The following KIF16B variants were observed in gnomAD, a reference collection of about 807,000 sequenced individuals.
KIF16B encodes kinesin-like protein KIF16B.
A neutral mutation model predicts 156.3 loss-of-function variants in KIF16B; 98 were observed. The ratio of observed to expected loss-of-function variants is 0.63; its 90% CI spans 0.53 to 0.74. KIF16B has a LOEUF of 0.74. Among genes scored for constraint, KIF16B ranks in the 30% least tolerant of loss-of-function variants. The pLI is 0.00. For missense variants in KIF16B, 1,421 were observed against 1,606.5 expected (o/e 0.88, Z 1.97); for synonymous variants, 564 against 583.7 (o/e 0.97, Z 0.49).
At chr20:16,330,705 C>T (rs2063933165) in intron 24 of KIF16B, among the ~76,000 whole-genome samples, 1 of 152,198 alleles carries the variant, frequency 6.6e-6, no homozygotes, top group Non-Finnish European at 1.5e-5. Flanking sequence ...CCCTGACTCC[C>T]TGCCTCAATA....
intron 12 of KIF16B, among the ~76,000 whole-genome samples, chr20:16,441,184 C>T (rs530269960): frequency 2.2e-4 from 33 of 152,298 alleles, no homozygotes; most frequent in African/African-American, 7.7e-4. Flanking sequence ...GAAAGGATTA[C>T]TTTAAGTGGG....
At chr20:16,323,197 TCTAA>T (rs1163526026) in intron 24 of KIF16B, among the ~76,000 whole-genome samples, 1 of 152,114 alleles carries the variant, frequency 6.6e-6, no homozygotes, top group Non-Finnish European at 1.5e-5. Flanking sequence ...TATTTGGCTA[TCTAA>T]CTTTTACCCA....
intron 15 of KIF16B, among the ~76,000 whole-genome samples, chr20:16,418,485 C>G (rs1482488863): frequency 6.6e-6 from 1 of 152,144 alleles, no homozygotes; most frequent in Non-Finnish European, 1.5e-5. Flanking sequence ...GAAACCAGCC[C>G]ATTGGAAAGA....
intron 5 of KIF16B, among the ~76,000 whole-genome samples, chr20:16,512,178 G>A (rs1003231273): frequency 1.4e-4 from 22 of 152,024 alleles, no homozygotes; most frequent in Non-Finnish European, 2.4e-4. Flanking sequence ...ATTAAGTGAG[G>A]ACTTCCTGTA....
At chr20:16,292,423 GA>G (rs1221940355) in intron 25 of KIF16B, among the ~76,000 whole-genome samples, 1 of 152,098 alleles carries the variant, frequency 6.6e-6, no homozygotes, top group Non-Finnish European at 1.5e-5. Flanking sequence ...GTTGTCAGGG[GA>G]AAAAATAGCT....
chr20:16,396,125 G>C (rs1437479369), intron 17 of KIF16B, among the ~76,000 whole-genome samples: 1 of 152,118 alleles, frequency 6.6e-6, no homozygotes, highest in African/African-American at 2.4e-5. Context: ...AGGTACGGCA[G>C]GGGTACCCAG....
chr20:16,275,562 C>T (rs144946942), intron 25 of KIF16B, among the ~76,000 whole-genome samples: 1,528 of 152,222 alleles, frequency 0.01, 17 homozygotes, highest in Middle Eastern at 0.065. Context: ...GAGAGGTGAG[C>T]AAGGCTAGTA....
At chr20:16,454,420 G>A (rs2067161836) in intron 12 of KIF16B, among the ~76,000 whole-genome samples, 1 of 150,234 alleles carries the variant, frequency 6.7e-6, no homozygotes, top group African/African-American at 2.4e-5. Context: ...ATGTTAAGGT[G>A]CGTATATAAT....
At position 16,568,427 on chromosome 20, in the gene KIF16B, A is replaced by G. The variant is rs550666307; in HGVS notation, c.47+4802T>C. On this transcript the variant is annotated intron_variant, in intron 1 of 25. Coordinates refer to ENST00000354981, the MANE Select transcript of KIF16B (RefSeq NM_024704.5). ...TGTAAAAATAATAGTAATGACAACA[A>G]GCACTCTTCAGGGAGCCCCTGCTGA... is the stretch of plus-strand genomic sequence containing the variant. Among the ~76,000 whole-genome samples, 419 of 152,350 alleles carry G rather than the reference A, an allele frequency of 2.8e-3. 2 individuals carry two copies. The highest frequency in any genetic ancestry group is 0.01 in the Middle Eastern group (3 of 294).
intron 10 of KIF16B, 37 bp downstream of exon 10, chr20:16,504,335 C>G: frequency 2.5e-6 from 4 of 1,602,436 alleles, no homozygotes; most frequent in Non-Finnish European, 3.4e-6. Context: ...TGCCATTACT[C>G]AAAGAAAATT....
At chr20:16,312,020 C>T (rs189434093) in intron 25 of KIF16B, among the ~76,000 whole-genome samples, 1 of 152,298 alleles carries the variant, frequency 6.6e-6, no homozygotes, top group East Asian at 1.9e-4. Context: ...GCTTTGTACT[C>T]TCATCCTGTA....
At chr20:16,286,056 C>T (rs2063217866) in intron 25 of KIF16B, among the ~76,000 whole-genome samples, 1 of 152,330 alleles carries the variant, frequency 6.6e-6, no homozygotes, top group East Asian at 1.9e-4. Flanking sequence ...TGCAGTCCTG[C>T]AAGTAGGTAA....
intron 1 of KIF16B, among the ~76,000 whole-genome samples, chr20:16,558,259 C>T (rs981257084): frequency 6.6e-5 from 10 of 152,210 alleles, no homozygotes; most frequent in South Asian, 2.1e-4. Flanking sequence ...CAGAAAGAGA[C>T]AACTTCCCCT....
intron 23 of KIF16B, among the ~76,000 whole-genome samples, chr20:16,343,080 G>C (rs1467189295): frequency 6.6e-6 from 1 of 152,090 alleles, no homozygotes; most frequent in Non-Finnish European, 1.5e-5. Flanking sequence ...CCAAAACACT[G>C]AATTATTTTA....
intron 24 of KIF16B, among the ~76,000 whole-genome samples, chr20:16,334,387 C>T (rs140001098): frequency 5.8e-4 from 89 of 152,290 alleles, no homozygotes; most frequent in African/African-American, 2.0e-3. Flanking sequence ...ATTTCAGCCA[C>T]GAAAATTAAA....
intron 1 of KIF16B, among the ~76,000 whole-genome samples, chr20:16,572,979 T>A (rs1481439181): frequency 6.6e-6 from 1 of 152,042 alleles, no homozygotes; most frequent in South Asian, 2.1e-4. Flanking sequence ...AACAAGAACA[T>A]CTCAAGTTAA....
chr20:16,418,408 T>C (rs570345079), intron 15 of KIF16B, among the ~76,000 whole-genome samples: 1 of 152,006 alleles, frequency 6.6e-6, no homozygotes, highest in African/African-American at 2.4e-5. Context: ...CGATAGGAGG[T>C]AGGACATGCT....
At chr20:16,509,196 G>A (rs1374195726) in intron 6 of KIF16B, among the ~76,000 whole-genome samples, 2 of 152,154 alleles carry the variant, frequency 1.3e-5, no homozygotes, top group Admixed American at 6.5e-5. Flanking sequence ...GGCTGCAGGG[G>A]ATTGGATCAT....
chr20:16,474,385 A>G (rs181439632), intron 12 of KIF16B, among the ~76,000 whole-genome samples: 4 of 152,316 alleles, frequency 2.6e-5, no homozygotes, highest in Non-Finnish European at 4.4e-5. Flanking sequence ...GTACATAAAC[A>G]TGTGAAGTGC....
Sources: gnomAD v4.1 joint callset for allele counts (sites outside exome capture counted in the v4.1 genomes callset) on GRCh38, gnomAD v4.1.1 for gene constraint, MANE v1.5 for transcripts, NCBI Gene and HGNC (gene_info 2026-07-23, HGNC 2026-07-21) for gene names.